Variants in APCDD1L observed in about 807,000 individuals in gnomAD.
The protein encoded by APCDD1L is protein APCDD1-like.
Under a neutral mutation model 24.2 loss-of-function variants are expected in APCDD1L, and 21 were observed. The observed-to-expected ratio is 0.87, with a 90% confidence interval of 0.61 to 1.25. APCDD1L has a LOEUF of 1.25. Among genes scored for constraint, APCDD1L ranks in the 50% most tolerant of loss-of-function variants. The probability of loss-of-function intolerance (pLI) is 0.00; values close to 1 mark genes in which losing one functional copy is unlikely to be tolerated. For missense variants in APCDD1L, 704 were observed against 711.7 expected, an observed-to-expected ratio of 0.99 and a Z score of 0.12; for synonymous variants, 321 against 323.6, an observed-to-expected ratio of 0.99 and a Z score of 0.09.
intron 1 of APCDD1L, among the ~76,000 whole-genome samples, chr20:58,493,374 A>C (rs1007968860): frequency 1.3e-5 from 2 of 152,262 alleles, no homozygotes; most frequent in Non-Finnish European, 2.9e-5. Context: ...TAACTCTAGC[A>C]CATTTACACC....
Position 58,461,498 on chromosome 20 carries a change from G to C in APCDD1L, c.798C>G (p.His266Gln), listed in dbSNP as rs781465947. 2.1e-6 allele frequency: 3 copies of C among 1,462,152 alleles called. No homozygotes were observed. In the East Asian group the frequency reaches 7.3e-5, roughly 36 times the overall value. 90.6% of individuals were successfully genotyped at this position (1,462,152 alleles called of 1,614,324 possible). A position where few individuals can be genotyped will look rare whatever the true frequency, so the allele number is the denominator to read the frequency against. Reference sequence around the variant, plus strand: ...CCAGAGGGGGCGGCAGCACGGGCGGGTGGTGCACATCGGAGCGGGCAATGA... The same window carrying C: ...CCAGAGGGGGCGGCAGCACGGGCGGCTGGTGCACATCGGAGCGGGCAATGA... ...CGLIARSDVH[H>Q]PPVLPPPLAL... is the part of the protein sequence containing the mutation. Residue 266 changes from histidine to glutamine, a missense_variant, in exon 4 of 4, where the codon CAC becomes CAG. Coordinates refer to ENST00000371149, the MANE Select transcript of APCDD1L (RefSeq NM_153360.3). The surrounding 1 kb of genome is among the most constrained non-coding windows in gnomAD (Gnocchi z 6.0).
intron 1 of APCDD1L, among the ~76,000 whole-genome samples, chr20:58,479,963 T>C (rs1207290498): frequency 1.3e-5 from 2 of 152,232 alleles, no homozygotes; most frequent in Non-Finnish European, 2.9e-5. Flanking sequence ...GGCTGCAGAT[T>C]GGATGCTATG....
chr20:58,512,926 C>A (rs1250034971), intron 1 of APCDD1L, among the ~76,000 whole-genome samples: 1 of 152,122 alleles, frequency 6.6e-6, no homozygotes. Flanking sequence ...GCACTCTTGG[C>A]TTCTCTGCTG....
intron 1 of APCDD1L, among the ~76,000 whole-genome samples, chr20:58,481,764 C>A (rs1424135839): frequency 6.6e-6 from 1 of 152,170 alleles, no homozygotes; most frequent in Non-Finnish European, 1.5e-5. Flanking sequence ...TGAGGGTCAC[C>A]CAGCCTCCCT....
At chr20:58,466,125 CA>C (rs35123325) in intron 3 of APCDD1L, among the ~76,000 whole-genome samples, 8,782 of 120,346 alleles carry the variant, frequency 0.073, 743 homozygotes, top group African/African-American at 0.24. Context: ...GCTCATCTGG[CA>C]AAAAAAAAAA....
chr20:58,473,231 C>T (rs2123144918), intron 1 of APCDD1L, among the ~76,000 whole-genome samples: 1 of 152,174 alleles, frequency 6.6e-6, no homozygotes, highest in South Asian at 2.1e-4. Flanking sequence ...CAAAAGAAAA[C>T]AAGGCTTTTT....
chr20:58,499,467 GT>G (rs1036646057), intron 1 of APCDD1L, among the ~76,000 whole-genome samples: 2 of 152,194 alleles, frequency 1.3e-5, no homozygotes, highest in African/African-American at 4.8e-5. Context: ...TCAGCCTCCA[GT>G]TTCCCAGTCT....
chr20:58,501,598 G>A (rs1600875883), intron 1 of APCDD1L, among the ~76,000 whole-genome samples: 1 of 152,184 alleles, frequency 6.6e-6, no homozygotes, highest in Non-Finnish European at 1.5e-5. Flanking sequence ...GACAGTCTGT[G>A]TTCTTTGTTA....
chr20:58,507,888 C>G (rs757216120), intron 1 of APCDD1L, among the ~76,000 whole-genome samples: 1 of 152,214 alleles, frequency 6.6e-6, no homozygotes, highest in Non-Finnish European at 1.5e-5. Context: ...CTATAACACA[C>G]AAACATTTGC....
In APCDD1L at chr20:58,461,734, A is replaced by C. The variant is rs1989614618; in HGVS notation, c.742-180T>G. ...GGACGACCTCCTTGCTTCAGCCAGGATGGCCTCCTTGATGGAGGTCAGCCC... is the reference window on the plus strand; with the variant it reads ...GGACGACCTCCTTGCTTCAGCCAGGCTGGCCTCCTTGATGGAGGTCAGCCC... On this transcript the variant is annotated intron_variant, in intron 3 of 3. Transcript: ENST00000371149. This position sits in a 1 kb window ranked among gnomAD's most constrained non-coding sequence, Gnocchi z 6.0. The C allele has an allele frequency of 1.7e-6, 1 of 573,852 alleles. No individual in the cohort carries two copies. Among genetic ancestry groups the C allele is most frequent in the South Asian group, 8.2e-5 (1 of 12,148 alleles). The allele number at this position is 573,852 out of a possible 1,614,324, so 35.5% of individuals were successfully genotyped here.
At chr20:58,505,744 ATTTGGAAATAAG>A in intron 1 of APCDD1L, among the ~76,000 whole-genome samples, 1 of 152,264 alleles carries the variant, frequency 6.6e-6, no homozygotes, top group South Asian at 2.1e-4. Flanking sequence ...TTGTGACCTT[ATTTGGAAATAAG>A]GTCACTGCAG....
Position 58,461,537 on chromosome 20 carries a change from G to T in APCDD1L, c.759C>A (p.Cys253Ter). ...LQSALHHVQPCPACGLIARSD... is the reference protein window; with the variant it reads ...LQSALHHVQP ...AGCGGGCAATGAGGCCACAGGCTGG[G>T]CACGGCTGCACGTGGTGCTGGCAAA... Residue 253 changes from cysteine (C) to a stop codon, truncating the protein, a stop_gained, in exon 4 of 4, where the codon TGC becomes TGA. Transcript: ENST00000371149. LOFTEE classifies it low-confidence loss of function (END_TRUNC). The surrounding 1 kb of genome is among the most constrained non-coding windows in gnomAD (Gnocchi z 6.0). 1 of 1,430,126 alleles carries T rather than the reference G, an allele frequency of 7.0e-7. No individual in the cohort carries two copies. Among genetic ancestry groups the T allele is most frequent in the Non-Finnish European group, 9.2e-7 (1 of 1,086,120 alleles). The allele number at this position is 1,430,126 out of a possible 1,614,324, so 88.6% of individuals were successfully genotyped here.
rs1990553722 is a variant in APCDD1L, at chr20:58,508,056, G to GA, written c.49+6602dup. On this transcript the variant is annotated intron_variant, in intron 1 of 3. Coordinates refer to ENST00000371149, the MANE Select transcript of APCDD1L (RefSeq NM_153360.3). This position sits in a 1 kb window ranked among gnomAD's most constrained non-coding sequence, Gnocchi z 4.0. ...GGGTGGTGCTGGTACAACTCATTTG[G>GA]AAAAAAAGCTGGTGGGAGAATTTAG... is the stretch of plus-strand genomic sequence containing the variant. Among the ~76,000 whole-genome samples, 1 of 152,166 alleles carries GA rather than the reference G, an allele frequency of 6.6e-6. No individual in the cohort carries two copies.
rs117289256 is a variant in APCDD1L at position 58,461,015 on chromosome 20, G to A, written c.1281C>T (p.Phe427=). 1.1e-5 allele frequency: 18 copies of A among 1,614,128 alleles called. No homozygotes were observed. In the East Asian group the frequency reaches 1.6e-4, roughly 14 times the overall value. The part of the protein sequence containing the change: ...EQDPLGQSLL[F]IGQRPTDGSS... ...AGCCATCGGTGGGCCTTTGTCCGATGAAGAGCAGGCTTTGCCCGAGGGGGT... is the reference window on the plus strand; with the variant it reads ...AGCCATCGGTGGGCCTTTGTCCGATAAAGAGCAGGCTTTGCCCGAGGGGGT... The change falls in exon 4 of 4, where the codon TTC becomes TTT. Residue 427 remains phenylalanine (F), a synonymous_variant. Coordinates refer to ENST00000371149, the MANE Select transcript of APCDD1L (RefSeq NM_153360.3). The surrounding 1 kb of genome is among the most constrained non-coding windows in gnomAD (Gnocchi z 6.0).
At chr20:58,479,063 G>C (rs1400753826) in intron 1 of APCDD1L, among the ~76,000 whole-genome samples, 1 of 152,096 alleles carries the variant, frequency 6.6e-6, no homozygotes, top group Non-Finnish European at 1.5e-5. Context: ...GCACCCCCAA[G>C]GAAGCCTCCA....
At chr20:58,502,334 C>T (rs1389561453) in intron 1 of APCDD1L, among the ~76,000 whole-genome samples, 2 of 152,084 alleles carry the variant, frequency 1.3e-5, no homozygotes, top group Non-Finnish European at 1.5e-5. Flanking sequence ...CTCCTGACCT[C>T]AAGTGATCCA....
rs150190868 is a variant in APCDD1L, at chr20:58,460,996, C to T, written c.1300G>A (p.Asp434Asn). 9.9e-5 allele frequency: 160 copies of T among 1,614,138 alleles called. 3 individuals are homozygous for T. The highest frequency in any genetic ancestry group is 9.2e-4 in the South Asian group (84 of 91,084). The change falls in exon 4 of 4, where the codon GAT becomes AAT. Residue 434 changes from aspartate to asparagine, a missense_variant. Physicochemically the swap from Asp to Asn is conservative, Grantham distance 23. Coordinates refer to ENST00000371149, the MANE Select transcript of APCDD1L (RefSeq NM_153360.3). This position sits in a 1 kb window ranked among gnomAD's most constrained non-coding sequence, Gnocchi z 4.2. Reference sequence around the variant, plus strand: ...TCTGGGGTATCGGGACTTGAGCCATCGGTGGGCCTTTGTCCGATGAAGAGC... The same window carrying T: ...TCTGGGGTATCGGGACTTGAGCCATTGGTGGGCCTTTGTCCGATGAAGAGC... ...SLLFIGQRPT[D>N]GSSPDTPEKR...
Position 58,470,697 on chromosome 20 carries a change from C to G in APCDD1L, c.100G>C (p.Glu34Gln). The G allele has an allele frequency of 6.4e-7, 1 of 1,551,866 alleles. No individual in the cohort carries two copies. Among genetic ancestry groups the G allele is most frequent in the Non-Finnish European group, 8.7e-7 (1 of 1,148,950 alleles). ...GEAGGSCLRW[E>Q]PHCQQPLPDR... is the part of the protein sequence containing the mutation. Reference sequence around the variant, plus strand: ...GGCAAGGGCTGCTGGCAGTGGGGTTCCCAGCGCAGGCAGCTGCCCCCGGCC... The same window carrying G: ...GGCAAGGGCTGCTGGCAGTGGGGTTGCCAGCGCAGGCAGCTGCCCCCGGCC... Residue 34 changes from glutamate to glutamine, a missense_variant, in exon 2 of 4, where the codon GAA becomes CAA. Coordinates refer to ENST00000371149, the MANE Select transcript of APCDD1L (RefSeq NM_153360.3).
Position 58,470,685 on chromosome 20 carries a change from G to C in APCDD1L, c.112C>G (p.Gln38Glu), listed in dbSNP as rs1378207248. 1 of 1,557,736 alleles carries C rather than the reference G, an allele frequency of 6.4e-7. No individual in the cohort carries two copies. The highest frequency in any genetic ancestry group is 1.9e-5 in the Admixed American group (1 of 51,570). ...GSCLRWEPHC[Q>E]QPLPDRVPST... The stretch of plus-strand genomic sequence containing the variant: ...GGCACTCTATCTGGCAAGGGCTGCT[G>C]GCAGTGGGGTTCCCAGCGCAGGCAG... Residue 38 changes from glutamine (Q) to glutamate (E), a missense_variant, in exon 2 of 4, where the codon CAG becomes GAG. Physicochemically the swap from Gln to Glu is conservative, Grantham distance 29. Coordinates refer to ENST00000371149, the MANE Select transcript of APCDD1L (RefSeq NM_153360.3).
Sources: allele counts gnomAD v4.1 joint callset (sites outside exome capture counted in the v4.1 genomes callset), GRCh38; gene constraint gnomAD v4.1.1; non-coding constraint Gnocchi (gnomAD v3.1); transcripts MANE v1.5; gene names NCBI Gene and HGNC (gene_info 2026-07-23, HGNC 2026-07-21).